Variants in CSMD1 observed in about 807,000 individuals in gnomAD.
The protein encoded by CSMD1 is CUB and Sushi multiple domains 1, also known as CUB and sushi domain-containing protein 1.
A neutral mutation model predicts 417.5 loss-of-function variants in CSMD1; 213 were observed. The ratio of observed to expected loss-of-function variants is 0.51; its 90% CI spans 0.46 to 0.57. The LOEUF (loss-of-function observed/expected upper bound fraction) is 0.57. Among genes scored for constraint, CSMD1 ranks in the 20% least tolerant of loss-of-function variants. CSMD1 has a pLI of 0.00. For synonymous variants in CSMD1, 2,862 were observed against 1,736.8 expected (o/e 1.65, Z -16.11); for missense variants, 6,923 against 4,529.7 (o/e 1.53, Z -15.17).
In CSMD1 at chr8:4,749,193, A is replaced by G. The variant is rs1254546030; in HGVS notation, c.86-111635T>C. ...AATCTATTGATTGATATGGATTAGAATATTCTTAACAAATCTGAAAACTTT... is the reference window on the plus strand; with the variant it reads ...AATCTATTGATTGATATGGATTAGAGTATTCTTAACAAATCTGAAAACTTT... On this transcript the variant is annotated intron_variant, in intron 1 of 69. Transcript: ENST00000635120. 2.0e-5 allele frequency among the ~76,000 whole-genome samples: 3 copies of G among 152,272 alleles called. 1 individual carries two copies. The highest frequency in any genetic ancestry group is 6.5e-5 in the Admixed American group (1 of 15,288).
At chr8:3,783,462 A>C (rs1411952986) in intron 5 of CSMD1, among the ~76,000 whole-genome samples, 2 of 152,150 alleles carry the variant, frequency 1.3e-5, no homozygotes, top group Non-Finnish European at 2.9e-5. Flanking sequence ...GCACAGAAGC[A>C]TTGGCGGGCT....
At chr8:3,148,047 C>G (rs1818952064) in intron 40 of CSMD1, among the ~76,000 whole-genome samples, 2 of 152,160 alleles carry the variant, frequency 1.3e-5, no homozygotes, top group Admixed American at 1.3e-4. Context: ...TCTACCTTCT[C>G]AATCTCCCTG....
At chr8:4,374,368 G>A (rs975543132) in intron 3 of CSMD1, among the ~76,000 whole-genome samples, 1 of 152,198 alleles carries the variant, frequency 6.6e-6, no homozygotes, top group South Asian at 2.1e-4. Flanking sequence ...TAGGTGTCAG[G>A]GGATATCAGT....
intron 1 of CSMD1, among the ~76,000 whole-genome samples, chr8:4,916,124 G>T (rs1345311090): frequency 2.6e-5 from 4 of 152,216 alleles, no homozygotes; most frequent in East Asian, 1.9e-4. Context: ...GGAGTCTGAT[G>T]AAGTCAGGAA....
intron 1 of CSMD1, among the ~76,000 whole-genome samples, chr8:4,914,468 C>T (rs1805917882): frequency 6.6e-6 from 1 of 151,526 alleles, no homozygotes; most frequent in South Asian, 2.1e-4. Flanking sequence ...GTCCCAGCTA[C>T]TCGGGAGGCT....
At chr8:4,037,782 C>G (rs1431922709) in intron 3 of CSMD1, among the ~76,000 whole-genome samples, 1 of 152,040 alleles carries the variant, frequency 6.6e-6, no homozygotes, top group Admixed American at 6.5e-5. Flanking sequence ...TTCTGAGGGC[C>G]TTGAACCATT....
At chr8:3,774,830 A>T (rs1798812307) in intron 5 of CSMD1, among the ~76,000 whole-genome samples, 1 of 152,150 alleles carries the variant, frequency 6.6e-6, no homozygotes, top group Non-Finnish European at 1.5e-5. Flanking sequence ...TTCTCAAGGG[A>T]TACATTCCAA....
At chr8:3,730,896 A>T (rs965022740) in intron 6 of CSMD1, among the ~76,000 whole-genome samples, 9 of 152,296 alleles carry the variant, frequency 5.9e-5, no homozygotes, top group African/African-American at 2.2e-4. Flanking sequence ...TATAATACGT[A>T]GACCAATTTG....
At chr8:3,104,589 C>T (rs1253463241) in intron 46 of CSMD1, among the ~76,000 whole-genome samples, 5 of 152,076 alleles carry the variant, frequency 3.3e-5, no homozygotes, top group African/African-American at 1.2e-4. Context: ...TAATTCATTC[C>T]AAAATGTATG....
At chr8:4,152,897 T>C (rs1236479124) in intron 3 of CSMD1, among the ~76,000 whole-genome samples, 1 of 152,166 alleles carries the variant, frequency 6.6e-6, no homozygotes, top group Non-Finnish European at 1.5e-5. Flanking sequence ...ACTTAAGATT[T>C]TTCTCAAAAA....
chr8:3,791,321 T>C (rs900362510), intron 5 of CSMD1, among the ~76,000 whole-genome samples: 7 of 152,204 alleles, frequency 4.6e-5, no homozygotes, highest in African/African-American at 7.2e-5. Context: ...AATTTAAGTA[T>C]AGTAGAATTT....
At chr8:4,523,565 A>G (rs753930351) in intron 2 of CSMD1, among the ~76,000 whole-genome samples, 1 of 152,096 alleles carries the variant, frequency 6.6e-6, no homozygotes, top group Non-Finnish European at 1.5e-5. Flanking sequence ...AGAATATGCA[A>G]TTGTGGTTGC....
intron 26 of CSMD1, among the ~76,000 whole-genome samples, chr8:3,265,667 C>G (rs1349035582): frequency 1.3e-5 from 2 of 152,112 alleles, no homozygotes; most frequent in African/African-American, 4.8e-5. Flanking sequence ...TGAGGTCGTG[C>G]TAGGATTTTA....
intron 1 of CSMD1, among the ~76,000 whole-genome samples, chr8:4,700,828 G>C (rs138876586): frequency 1.5e-3 from 230 of 152,254 alleles, no homozygotes; most frequent in Middle Eastern, 0.01. Flanking sequence ...ATGAAAAAAA[G>C]GTAACAGCAA....
At chr8:3,478,716 A>G (rs1817566680) in intron 11 of CSMD1, among the ~76,000 whole-genome samples, 3 of 152,294 alleles carry the variant, frequency 2.0e-5, no homozygotes, top group East Asian at 1.9e-4. Flanking sequence ...GCAGCACCAC[A>G]GCAAATAAAA....
intron 5 of CSMD1, among the ~76,000 whole-genome samples, chr8:3,857,691 A>G (rs1480224210): frequency 1.3e-5 from 2 of 152,200 alleles, no homozygotes; most frequent in African/African-American, 4.8e-5. Flanking sequence ...TAGATTCTTC[A>G]TAATCTTCAA....
chr8:3,157,962 C>G lies in CSMD1; in HGVS notation c.5849G>C (p.Arg1950Pro), dbSNP rs752278123. Residue 1950 changes from arginine (R) to proline (P), a missense_variant, in exon 39 of 70, where the codon CGT becomes CCT. Transcript: ENST00000635120. ...QCEPGYTLQGRSHISCMPGTV... is the reference protein window; with the variant it reads ...QCEPGYTLQGPSHISCMPGTV... ...CCCTGGCATACAGGAAATGTGGGAA[C>G]GGCCCTGTTTAAAAGAAAACAAAAG... 1.9e-6 allele frequency: 3 copies of G among 1,553,250 alleles called. No individual in the cohort carries two copies. Among genetic ancestry groups the G allele is most frequent in the Non-Finnish European group, 2.6e-6 (3 of 1,147,832 alleles).
intron 4 of CSMD1, among the ~76,000 whole-genome samples, chr8:4,017,606 G>A (rs949426687): frequency 5.3e-5 from 8 of 152,064 alleles, no homozygotes; most frequent in African/African-American, 1.9e-4. Context: ...GTGCCCAGCT[G>A]CCACCTCGTT....
intron 4 of CSMD1, among the ~76,000 whole-genome samples, chr8:4,018,853 G>A (rs1323256794): frequency 6.6e-6 from 1 of 152,158 alleles, no homozygotes; most frequent in African/African-American, 2.4e-5. Context: ...ATTCCTCTGT[G>A]ATGGAGTCTC....
Sources: allele counts gnomAD v4.1 joint callset (sites outside exome capture counted in the v4.1 genomes callset), GRCh38; gene constraint gnomAD v4.1.1; transcripts MANE v1.5; gene names NCBI Gene and HGNC (gene_info 2026-07-23, HGNC 2026-07-21).